JAKMIP3: variants seen among roughly 807,000 people sequenced by gnomAD.
The protein encoded by JAKMIP3 is janus kinase and microtubule-interacting protein 3.
JAKMIP3 carries 58 observed loss-of-function variants against 118.5 expected under a neutral mutation model. The ratio of observed to expected loss-of-function variants is 0.49; its 90% CI spans 0.40 to 0.61. The LOEUF (loss-of-function observed/expected upper bound fraction) is 0.61, where lower values mean the gene tolerates loss of function less well. Ranked by LOEUF, JAKMIP3 falls within the 20% of genes least tolerant of loss-of-function variation. The pLI is 0.00. For missense variants in JAKMIP3, 950 were observed against 1,109.0 expected (o/e 0.86, Z 2.04); for synonymous variants, 486 against 451.2 (o/e 1.08, Z -0.98).
chr10:132,042,310 C>CA (rs1234090126), intron 1 of JAKMIP3, among the ~76,000 whole-genome samples: 2 of 152,162 alleles, frequency 1.3e-5, no homozygotes, highest in South Asian at 2.1e-4. Context: ...CTACTGGGCT[C>CA]AAGTGATCCT....
Position 132,041,935 on chromosome 10 carries a change from C to T in JAKMIP3, c.-138+5197C>T, listed in dbSNP as rs190202483. 1.5e-4 allele frequency among the ~76,000 whole-genome samples: 22 copies of T among 150,768 alleles called. No homozygotes were observed. The East Asian group carries it at 2.6e-3, about 18-fold the overall frequency. On this transcript the variant is annotated intron_variant, in intron 1 of 23. Transcript: ENST00000657785. ...AGGCTGGAGTACAGTGGTGCCATCT[C>T]GGGTCACTGCACCCTCCACCTCCCA... is the stretch of plus-strand genomic sequence containing the variant.
intron 20 of JAKMIP3, among the ~76,000 whole-genome samples, chr10:132,164,226 T>C (rs1353916593): frequency 6.6e-6 from 1 of 152,218 alleles, no homozygotes; most frequent in Non-Finnish European, 1.5e-5. Flanking sequence ...TGCAACCCCT[T>C]TGCTGCCTCA....
intron 23 of JAKMIP3, among the ~76,000 whole-genome samples, chr10:132,171,906 G>A (rs1408962552): frequency 1.3e-5 from 2 of 151,906 alleles, no homozygotes; most frequent in Non-Finnish European, 2.9e-5. Context: ...TGCCTGCCTC[G>A]GCCTCCCAAA....
chr10:132,061,250 A>G (rs2038388558), upstream of JAKMIP3, among the ~76,000 whole-genome samples: 1 of 149,902 alleles, frequency 6.7e-6, no homozygotes, highest in East Asian at 2.4e-4. Flanking sequence ...CGGCGCACAC[A>G]CACACCTGCC....
chr10:132,124,324 G>A (rs931132337), intron 3 of JAKMIP3, among the ~76,000 whole-genome samples: 7 of 150,788 alleles, frequency 4.6e-5, no homozygotes, highest in Admixed American at 1.3e-4. Flanking sequence ...CCAGCCGGCC[G>A]CGCCATACAC....
At chr10:132,046,219 C>T (rs192681456) in intron 1 of JAKMIP3, among the ~76,000 whole-genome samples, 78 of 152,306 alleles carry the variant, frequency 5.1e-4, no homozygotes, top group African/African-American at 1.8e-3. Context: ...CTCTGGGAGG[C>T]CGAGGCGGGC....
intron 9 of JAKMIP3, among the ~76,000 whole-genome samples, chr10:132,139,504 ATGTGTG>A (rs1166946229): frequency 7.8e-6 from 1 of 127,658 alleles, no homozygotes; most frequent in South Asian, 2.3e-4. Flanking sequence ...GTGAGTGTGT[ATGTGTG>A]AGTGTGAGTG....
chr10:132,140,412 G>A, intron 9 of JAKMIP3, 39 bp from the exon 10 acceptor site: 1 of 1,612,034 alleles, frequency 6.2e-7, no homozygotes. Flanking sequence ...GCTGTGCCTG[G>A]GTCTGGTTTG....
Position 132,117,459 on chromosome 10 carries a change from C to T in JAKMIP3, c.518C>T (p.Thr173Met), listed in dbSNP as rs371280434. The change falls in exon 3 of 24, where the codon ACG (threonine) becomes ATG (methionine). Residue 173 changes from threonine to methionine, a missense_variant. Thr to Met is a moderately conservative substitution (Grantham distance 81, BLOSUM62 -1). Transcript: ENST00000684848. The surrounding 1 kb of genome is among the most constrained non-coding windows in gnomAD (Gnocchi z 8.6). ...GAKRQVEEALTLVIQADKIKA... is the reference protein window; with the variant it reads ...GAKRQVEEALMLVIQADKIKA... ...AAAAGGCAGGTGGAGGAGGCGCTGA[C>T]GCTGGTGATCCAAGCGGACAAGATC... 276 of 1,613,800 alleles carry T rather than the reference C, an allele frequency of 1.7e-4. 1 individual carries two copies. Among genetic ancestry groups the T allele is most frequent in the Non-Finnish European group, 2.2e-4 (256 of 1,179,894 alleles).
At chr10:132,088,450 G>T (rs2042681370) in intron 1 of JAKMIP3, among the ~76,000 whole-genome samples, 1 of 152,190 alleles carries the variant, frequency 6.6e-6, no homozygotes, top group Admixed American at 6.5e-5. Flanking sequence ...GCATTTCTCT[G>T]ATGGCCAGTG....
rs2060490443 is a variant in JAKMIP3, at chr10:132,179,439, G to A, written c.*1104-2918G>A. Among the ~76,000 whole-genome samples, 2 of 152,098 alleles carry A rather than the reference G, an allele frequency of 1.3e-5. No homozygotes were observed. The highest frequency in any genetic ancestry group is 2.9e-5 in the Non-Finnish European group (2 of 68,018). Reference sequence around the variant, plus strand: ...CTTTCCTGCCCCCTCCCTGAGAACTGGGAGCTCTTGGGATGAGGATTATCT... The same window carrying A: ...CTTTCCTGCCCCCTCCCTGAGAACTAGGAGCTCTTGGGATGAGGATTATCT... On this transcript the variant is annotated intron_variant, in intron 23 of 23. Coordinates refer to ENST00000684848, the MANE Select transcript of JAKMIP3 (RefSeq NM_001323087.2). The surrounding 1 kb of genome is among the most constrained non-coding windows in gnomAD (Gnocchi z 4.3).
At position 132,180,745 on chromosome 10, in the gene JAKMIP3, G is replaced by GTGTGCGCA. The variant is rs2061214537; in HGVS notation, c.*1104-1612_*1104-1611insTGTGCGCA. On this transcript the variant is annotated intron_variant, in intron 23 of 23. Transcript: ENST00000684848. ...CGTGTGTGTGCGTGTGTGCGTGCGT[G>GTGTGCGCA]CGCGCGCGTGTGTGCGTGTGTGTGC... 2.3e-3 allele frequency among the ~76,000 whole-genome samples: 7 copies of GTGTGCGCA among 3,082 alleles called. No homozygotes were observed. The Admixed American group carries it at 0.029, about 13-fold the overall frequency. 2.0% of individuals were successfully genotyped at this position (3,082 alleles called of 152,430 possible).
chr10:132,052,356 T>C (rs2038126052), intron 1 of JAKMIP3, among the ~76,000 whole-genome samples: 1 of 152,252 alleles, frequency 6.6e-6, no homozygotes. Flanking sequence ...TTATTTTGTC[T>C]TTGTGTTTCC....
intron 16 of JAKMIP3, among the ~76,000 whole-genome samples, chr10:132,152,520 C>A (rs1374593887): frequency 6.6e-6 from 1 of 152,202 alleles, no homozygotes; most frequent in African/African-American, 2.4e-5. Context: ...CATTTCACAG[C>A]CATGAACATG....
intron 19 of JAKMIP3, among the ~76,000 whole-genome samples, chr10:132,157,861 A>C (rs1468681946): frequency 6.6e-6 from 1 of 152,146 alleles, no homozygotes; most frequent in Non-Finnish European, 1.5e-5. Flanking sequence ...TTTGATATCA[A>C]ACACTGTTTT....
chr10:132,143,502 CT>C, intron 11 of JAKMIP3, among the ~76,000 whole-genome samples: 1 of 152,262 alleles, frequency 6.6e-6, no homozygotes, highest in South Asian at 2.1e-4. Flanking sequence ...AAGCAAAGAA[CT>C]CAGAAGCTTT....
At chr10:132,048,715 A>G (rs1183050312) in intron 1 of JAKMIP3, among the ~76,000 whole-genome samples, 4 of 137,452 alleles carry the variant, frequency 2.9e-5, no homozygotes, top group African/African-American at 1.1e-4. Context: ...CCCAGGCTAG[A>G]GTGCTCCGCC....
chr10:132,139,243 T>TGTGA lies in JAKMIP3; in HGVS notation c.1344+1068_1344+1069insAGTG, dbSNP rs1554946357. 1.5e-4 allele frequency among the ~76,000 whole-genome samples: 21 copies of TGTGA among 139,308 alleles called. 1 individual carries two copies. Among genetic ancestry groups the TGTGA allele is most frequent in the Middle Eastern group, 3.4e-3 (1 of 296 alleles). The allele number at this position is 139,308 out of a possible 152,430, so 91.4% of individuals were successfully genotyped here. On this transcript the variant is annotated intron_variant, in intron 9 of 23. Transcript: ENST00000684848. The stretch of plus-strand genomic sequence containing the variant: ...GTACATGTGAGTGTATATGCATCTG[T>TGTGA]GTGTGTATGTGTGTGTGTGTATGTG...
intron 4 of JAKMIP3, 73 bp downstream of exon 4, chr10:132,133,600 C>T: frequency 7.5e-7 from 1 of 1,341,760 alleles, no homozygotes; most frequent in South Asian, 1.3e-5. Flanking sequence ...CATGGCCCTG[C>T]ATGGGCCACT....
Sources: allele counts gnomAD v4.1 joint callset (sites outside exome capture counted in the v4.1 genomes callset), GRCh38; gene constraint gnomAD v4.1.1; non-coding constraint Gnocchi (gnomAD v3.1); transcripts MANE v1.5; gene names NCBI Gene and HGNC (gene_info 2026-07-23, HGNC 2026-07-21).